Variants in TCF12 observed in about 807,000 individuals in gnomAD.
The protein encoded by TCF12 is transcription factor 12.
Under a neutral mutation model 86.0 loss-of-function variants are expected in TCF12, and 45 were observed. The ratio of observed to expected loss-of-function variants is 0.52; its 90% CI spans 0.41 to 0.67. The LOEUF is 0.67. Ranked by LOEUF, TCF12 falls within the 30% of genes least tolerant of loss-of-function variation. The probability of loss-of-function intolerance (pLI) is 0.00; values close to 1 mark genes in which losing one functional copy is unlikely to be tolerated. For synonymous variants in TCF12, 330 were observed against 299.6 expected (o/e 1.10, Z -1.05); for missense variants, 881 against 859.9 (o/e 1.02, Z -0.31).
chr15:57,063,635 A>G (rs908497986), intron 3 of TCF12, 115 bp from the exon 4 acceptor site: 106 of 665,488 alleles, frequency 1.6e-4, no homozygotes, highest in Middle Eastern at 1.0e-3. Context: ...ATTGATACTT[A>G]GCTCTTCCAC....
chr15:57,073,094 A>C (rs370775614), intron 4 of TCF12, among the ~76,000 whole-genome samples: 1 of 152,176 alleles, frequency 6.6e-6, no homozygotes, highest in Non-Finnish European at 1.5e-5. Flanking sequence ...CCTGGGGACA[A>C]CACTTACTGA....
At chr15:57,161,308 A>G (rs1004433717) in intron 5 of TCF12, among the ~76,000 whole-genome samples, 1 of 152,238 alleles carries the variant, frequency 6.6e-6, no homozygotes, top group African/African-American at 2.4e-5. Context: ...TAGGGTAACT[A>G]ATGCCTCTAA....
chr15:57,242,408 G>A (rs1424117014), intron 12 of TCF12, among the ~76,000 whole-genome samples: 1 of 152,144 alleles, frequency 6.6e-6, no homozygotes, highest in Non-Finnish European at 1.5e-5. Context: ...TACTGTTGTT[G>A]CCAGGCACCA....
intron 3 of TCF12, among the ~76,000 whole-genome samples, chr15:57,046,271 TAGCTAATTCTAA>T (rs1179224644): frequency 6.6e-6 from 1 of 152,212 alleles, no homozygotes; most frequent in Non-Finnish European, 1.5e-5. Flanking sequence ...TACCTGGATC[TAGCTAATTCTAA>T]AGCATGTTTT....
At chr15:56,920,735 T>C (rs1177889323) in intron 2 of TCF12, among the ~76,000 whole-genome samples, 1 of 152,194 alleles carries the variant, frequency 6.6e-6, no homozygotes, top group African/African-American at 2.4e-5. Flanking sequence ...TGAAATTCAC[T>C]TAGTTCTGCA....
chr15:57,208,176 G>C (rs2057928119), intron 8 of TCF12, among the ~76,000 whole-genome samples: 1 of 151,466 alleles, frequency 6.6e-6, no homozygotes, highest in East Asian at 1.9e-4. Context: ...GGGATTGCAG[G>C]CATCTGCCAC....
At chr15:56,963,577 A>C (rs11630965) in intron 3 of TCF12, among the ~76,000 whole-genome samples, 2 of 151,910 alleles carry the variant, frequency 1.3e-5, no homozygotes, top group Non-Finnish European at 1.5e-5. Flanking sequence ...ATGTGAAAAG[A>C]GGGAGCTCTT....
chr15:57,265,448 C>T (rs2060817309), intron 18 of TCF12, among the ~76,000 whole-genome samples: 1 of 152,106 alleles, frequency 6.6e-6, no homozygotes. Flanking sequence ...ATTGTTTCTA[C>T]CTTGCTCCCT....
intron 16 of TCF12, among the ~76,000 whole-genome samples, chr15:57,253,932 A>G (rs2060230380): frequency 6.6e-6 from 1 of 152,226 alleles, no homozygotes; most frequent in Non-Finnish European, 1.5e-5. Flanking sequence ...AATTTCAGTA[A>G]TAAATAAAGG....
At chr15:57,056,933 C>G (rs1406415481) in intron 3 of TCF12, among the ~76,000 whole-genome samples, 1 of 151,626 alleles carries the variant, frequency 6.6e-6, no homozygotes, top group Non-Finnish European at 1.5e-5. Context: ...TGGTGATTAT[C>G]TTTTCCCTTG....
In TCF12 at chr15:57,115,022, T is replaced by G. The variant is rs1017832023; in HGVS notation, c.325+23131T>G. 5.9e-5 allele frequency among the ~76,000 whole-genome samples: 9 copies of G among 152,330 alleles called. No homozygotes were observed. The South Asian group carries it at 1.2e-3, about 21-fold the overall frequency. ...GCATGATAGCAGTTTTAAACAATTC[T>G]CAAACAATTAAATGTCTGATTGAGC... On this transcript the variant is annotated intron_variant, in intron 5 of 20. Transcript: ENST00000333725.
At chr15:56,971,158 T>G (rs549129851) in intron 3 of TCF12, among the ~76,000 whole-genome samples, 5 of 152,266 alleles carry the variant, frequency 3.3e-5, no homozygotes, top group African/African-American at 1.2e-4. Context: ...GAGCCTTGGC[T>G]CACGCCTGTA....
In TCF12 at chr15:57,106,549, C is replaced by A. The variant is rs191281932; in HGVS notation, c.325+14658C>A. Reference sequence around the variant, plus strand: ...GCAGGCAGAAGAGGAAAAGAAACTTCACTGCATACGCTTTTGTATTTTGTA... The same window carrying A: ...GCAGGCAGAAGAGGAAAAGAAACTTAACTGCATACGCTTTTGTATTTTGTA... On this transcript the variant is annotated intron_variant, in intron 5 of 20. Transcript: ENST00000333725. Among the ~76,000 whole-genome samples, 1,213 of 152,298 alleles carry A rather than the reference C, an allele frequency of 8.0e-3. 8 individuals carry two copies. Among genetic ancestry groups the A allele is most frequent in the Non-Finnish European group, 0.013 (872 of 68,028 alleles).
At chr15:57,262,055 C>G in intron 16 of TCF12, 39 bp from the exon 17 acceptor site, 4 of 1,406,594 alleles carry the variant, frequency 2.8e-6, no homozygotes, top group Non-Finnish European at 4.0e-6. Context: ...TCTGAACTAT[C>G]TTAATCTTTT....
At chr15:57,272,486 C>T (rs1320270178) in intron 18 of TCF12, among the ~76,000 whole-genome samples, 4 of 152,308 alleles carry the variant, frequency 2.6e-5, no homozygotes, top group South Asian at 2.1e-4. Flanking sequence ...TCTTTCTTTT[C>T]GCCAGGTAAC....
intron 6 of TCF12, among the ~76,000 whole-genome samples, chr15:57,178,664 C>G (rs1349730217): frequency 1.3e-5 from 2 of 152,216 alleles, no homozygotes; most frequent in African/African-American, 4.8e-5. Context: ...ACTGGTAACA[C>G]ATAGGAGAAC....
intron 3 of TCF12, among the ~76,000 whole-genome samples, chr15:57,041,218 A>G (rs2435907): frequency 0.43 from 66,033 of 151,974 alleles, 14,586 homozygotes; most frequent in East Asian, 0.59. Context: ...AAGATGGGCA[A>G]TTTGGCAGTC....
chr15:57,127,306 T>C (rs755706557), intron 5 of TCF12, among the ~76,000 whole-genome samples: 8 of 152,150 alleles, frequency 5.3e-5, no homozygotes, highest in Admixed American at 6.5e-5. Context: ...TCTTCTTTTT[T>C]TTTATTCATA....
At chr15:57,105,454 A>G (rs2050076796) in intron 5 of TCF12, among the ~76,000 whole-genome samples, 1 of 152,038 alleles carries the variant, frequency 6.6e-6, no homozygotes, top group Non-Finnish European at 1.5e-5. Context: ...TGTGTCACCT[A>G]GGCTAGACTG....
Sources: allele counts gnomAD v4.1 joint callset (sites outside exome capture counted in the v4.1 genomes callset), GRCh38; gene constraint gnomAD v4.1.1; transcripts MANE v1.5; gene names NCBI Gene and HGNC (gene_info 2026-07-23, HGNC 2026-07-21).